SEC24B: variants seen among roughly 807,000 people sequenced by gnomAD.
SEC24B encodes the protein protein transport protein Sec24B.
Under a neutral mutation model 142.8 loss-of-function variants are expected in SEC24B, and 45 were observed. The ratio of observed to expected loss-of-function variants is 0.32; its 90% CI spans 0.25 to 0.40. SEC24B has a LOEUF of 0.40. SEC24B is among the 10% of genes least tolerant of loss of function. The pLI, the probability that SEC24B is intolerant of heterozygous loss-of-function variation, is 1.00. For missense variants in SEC24B, 1,409 were observed against 1,526.8 expected (o/e 0.92, Z 1.29); for synonymous variants, 574 against 568.2 (o/e 1.01, Z -0.15).
intron 5 of SEC24B, among the ~76,000 whole-genome samples, chr4:109,494,199 A>G (rs1170749106): frequency 6.6e-6 from 1 of 152,164 alleles, no homozygotes; most frequent in Non-Finnish European, 1.5e-5. Context: ...TCACACCTGT[A>G]TGCTCAGCAC....
At chr4:109,498,458 A>T (rs1205263223) in intron 6 of SEC24B, among the ~76,000 whole-genome samples, 3 of 152,092 alleles carry the variant, frequency 2.0e-5, no homozygotes, top group Non-Finnish European at 4.4e-5. Flanking sequence ...TCCACCTTCC[A>T]GATTCAAGCG....
At chr4:109,472,463 G>A (rs1316985073) in intron 2 of SEC24B, among the ~76,000 whole-genome samples, 2 of 152,152 alleles carry the variant, frequency 1.3e-5, no homozygotes, top group African/African-American at 4.8e-5. Flanking sequence ...TTAGTTACAT[G>A]TGAAATAAGG....
chr4:109,538,529 A>G lies in SEC24B; in HGVS notation c.3625A>G (p.Arg1209Gly). 1 of 1,613,520 alleles carries G rather than the reference A, an allele frequency of 6.2e-7. No homozygotes were observed. The highest frequency in any genetic ancestry group is 1.1e-5 in the South Asian group (1 of 91,056). ...AGAGCTAGATACACTTTCATCAGAAAGAGCCAGATCCTTCATAACTTGGCT... is the reference window on the plus strand; with the variant it reads ...AGAGCTAGATACACTTTCATCAGAAGGAGCCAGATCCTTCATAACTTGGCT... ...LPELDTLSSE[R>G]ARSFITWLRD... The change falls in exon 23 of 24, where the codon AGA becomes GGA. Residue 1209 changes from arginine to glycine, a missense_variant. This residue lies in a region of SEC24B where 700 missense variants were observed against 853.3 expected (regional missense o/e 0.82). Coordinates refer to ENST00000265175, the MANE Select transcript of SEC24B (RefSeq NM_006323.5).
chr4:109,438,228 C>T (rs1280889103), intron 1 of SEC24B, among the ~76,000 whole-genome samples: 1 of 152,182 alleles, frequency 6.6e-6, no homozygotes, highest in Non-Finnish European at 1.5e-5. Flanking sequence ...TACAGGTATT[C>T]ATTAGACATG....
rs70949083 is a variant in SEC24B, at chr4:109,467,325, CAAAAAAAAA to C, written c.877+3695_877+3703del. ...TGGGCGACAGAGCGAGACTCCGTCT[CAAAAAAAAA>C]AAAAAAAAAAAAAGTCCGCTCCAAG... On this transcript the variant is annotated intron_variant, in intron 2 of 23. Transcript: ENST00000265175. Among the ~76,000 whole-genome samples, 10 of 59,860 alleles carry C rather than the reference CAAAAAAAAA, an allele frequency of 1.7e-4. No homozygotes were observed. The East Asian group carries it at 5.9e-3, about 36-fold the overall frequency. The allele number at this position is 59,860 out of a possible 152,430, so 39.3% of individuals were successfully genotyped here.
At chr4:109,533,240 G>C (rs755588584) in intron 21 of SEC24B, among the ~76,000 whole-genome samples, 3 of 152,080 alleles carry the variant, frequency 2.0e-5, no homozygotes, top group Non-Finnish European at 2.9e-5. Flanking sequence ...AGCAGAAAAA[G>C]GATTTGGATA....
chr4:109,488,252 A>G (rs1158821414), intron 4 of SEC24B, among the ~76,000 whole-genome samples: 1 of 152,154 alleles, frequency 6.6e-6, no homozygotes, highest in Non-Finnish European at 1.5e-5. Context: ...CATATGTTTT[A>G]GCCTTCTTCC....
chr4:109,511,236 A>C (rs1737290280), intron 8 of SEC24B, among the ~76,000 whole-genome samples: 1 of 151,958 alleles, frequency 6.6e-6, no homozygotes, highest in Non-Finnish European at 1.5e-5. Flanking sequence ...TGTGATATAG[A>C]GTTCTGTAAT....
chr4:109,528,516 G>A (rs557618300), intron 18 of SEC24B, among the ~76,000 whole-genome samples: 1 of 152,096 alleles, frequency 6.6e-6, no homozygotes, highest in South Asian at 2.1e-4. Flanking sequence ...GTGACTAATT[G>A]GGATTGAGAC....
chr4:109,520,091 A>G (rs1723439849), intron 11 of SEC24B, among the ~76,000 whole-genome samples: 1 of 152,220 alleles, frequency 6.6e-6, no homozygotes, highest in East Asian at 1.9e-4. Flanking sequence ...GATTTGCAGT[A>G]TATTCAATCT....
intron 7 of SEC24B, among the ~76,000 whole-genome samples, chr4:109,508,627 A>G (rs1334432220): frequency 3.9e-5 from 6 of 152,160 alleles, no homozygotes; most frequent in African/African-American, 1.4e-4. Context: ...ACCCATAGGT[A>G]AGGGGAAGGC....
intron 3 of SEC24B, among the ~76,000 whole-genome samples, chr4:109,479,906 T>C (rs1224642449): frequency 6.6e-6 from 1 of 152,242 alleles, no homozygotes; most frequent in Non-Finnish European, 1.5e-5. Context: ...TTCGTTTTAA[T>C]TGGGCTTTTT....
chr4:109,536,248 A>C (rs1015193164), intron 22 of SEC24B, among the ~76,000 whole-genome samples: 2 of 152,232 alleles, frequency 1.3e-5, no homozygotes, highest in African/African-American at 4.8e-5. Context: ...TTTAAGTACC[A>C]TGATACTGGC....
chr4:109,499,123 C>G (rs1578906406), intron 6 of SEC24B, among the ~76,000 whole-genome samples: 1 of 152,282 alleles, frequency 6.6e-6, no homozygotes, highest in East Asian at 1.9e-4. Context: ...TGCTTGGAGT[C>G]TGTCCTTCCA....
intron 1 of SEC24B, among the ~76,000 whole-genome samples, chr4:109,437,987 C>A (rs957015131): frequency 1.3e-5 from 2 of 152,026 alleles, no homozygotes; most frequent in African/African-American, 4.8e-5. Context: ...ATAGAGAAAT[C>A]AGAAAAAAGC....
chr4:109,466,598 G>A (rs576166030), intron 2 of SEC24B, among the ~76,000 whole-genome samples: 4 of 152,258 alleles, frequency 2.6e-5, no homozygotes, highest in Non-Finnish European at 5.9e-5. Flanking sequence ...TTTTAGTAGA[G>A]ACAGGGTTTC....
At chr4:109,481,108 G>GC (rs1045759761) in intron 3 of SEC24B, among the ~76,000 whole-genome samples, 2 of 151,602 alleles carry the variant, frequency 1.3e-5, no homozygotes, top group Non-Finnish European at 2.9e-5. Flanking sequence ...AAGTCCCCCA[G>GC]CCCCCCGTCC....
chr4:109,506,994 C>T (rs1044867470), intron 7 of SEC24B, among the ~76,000 whole-genome samples: 13 of 152,228 alleles, frequency 8.5e-5, no homozygotes, highest in African/African-American at 2.9e-4. Flanking sequence ...GACTCCCAGG[C>T]TTAATCCAGT....
intron 1 of SEC24B, among the ~76,000 whole-genome samples, chr4:109,440,970 G>A (rs1397443712): frequency 2.0e-5 from 3 of 152,050 alleles, no homozygotes; most frequent in African/African-American, 2.4e-5. Flanking sequence ...CCTTATGTCC[G>A]CAAATGCATT....
Sources: gnomAD v4.1 joint callset for allele counts (sites outside exome capture counted in the v4.1 genomes callset) on GRCh38, gnomAD v4.1.1 for gene constraint, gnomAD v4.1.1 regional missense constraint, MANE v1.5 for transcripts, NCBI Gene and HGNC (gene_info 2026-07-23, HGNC 2026-07-21) for gene names.